The following GRAMD1B variants were observed in gnomAD, a reference collection of about 807,000 sequenced individuals.
GRAMD1B encodes protein Aster-B.
GRAMD1B carries 37 observed loss-of-function variants against 99.7 expected under a neutral mutation model. The ratio of observed to expected loss-of-function variants is 0.37; its 90% CI spans 0.29 to 0.49. The LOEUF (loss-of-function observed/expected upper bound fraction) is 0.49, where lower values mean the gene tolerates loss of function less well. Ranked by LOEUF, GRAMD1B falls within the 20% of genes least tolerant of loss-of-function variation. The pLI, the probability that GRAMD1B is intolerant of heterozygous loss-of-function variation, is 0.98. For synonymous variants in GRAMD1B, 427 were observed against 387.6 expected, an observed-to-expected ratio of 1.10 and a Z score of -1.19; for missense variants, 888 against 1,009.2, an observed-to-expected ratio of 0.88 and a Z score of 1.63.
rs1262779388 is a variant in GRAMD1B at position 123,577,541 on chromosome 11, C to T, written c.627C>T (p.Ser209=). The T allele has an allele frequency of 2.5e-6, 4 of 1,596,558 alleles. No individual in the cohort carries two copies. In the Admixed American group the frequency reaches 6.9e-5, roughly 27 times the overall value. Residue 209 remains serine, a synonymous_variant, in exon 3 of 20, where the codon TCC becomes TCT. Coordinates refer to ENST00000635736, the MANE Select transcript of GRAMD1B (RefSeq NM_001387025.1). ...TPEQGVQRSC[S]SQSGRSGGKN... The stretch of plus-strand genomic sequence containing the variant: ...AGCAGGGCGTGCAGCGCAGCTGCTC[C>T]TCCCAGTCCGGCCGGAGCGGCGGCA...
Position 123,431,002 on chromosome 11 carries a change from C to A in GRAMD1B, c.210C>A (p.Pro70=), listed in dbSNP as rs1336170337. The A allele has an allele frequency of 2.8e-6, 2 of 702,828 alleles. No individual in the cohort carries two copies. The highest frequency in any genetic ancestry group is 3.5e-5 in the African/African-American group (2 of 57,280). 43.5% of individuals were successfully genotyped at this position (702,828 alleles called of 1,614,324 possible). ...LARDLPAVLA[P]GKEFLQLPSI... ...GGGACCTGCCCGCCGTCTTGGCCCC[C>A]GGCAAGGAGTTCCTGCAGCTGCCGT... is the stretch of plus-strand genomic sequence containing the variant. The change falls in exon 1 of 20, where the codon CCC becomes CCA. Residue 70 remains proline, a synonymous_variant. Transcript: ENST00000635736.
chr11:123,491,310 G>C (rs1213449319), intron 2 of GRAMD1B, among the ~76,000 whole-genome samples: 1 of 152,122 alleles, frequency 6.6e-6, no homozygotes, highest in African/African-American at 2.4e-5. Context: ...TTCTGTTCCA[G>C]AAATATGTCC....
At chr11:123,389,511 A>G (rs888649327) in intron 1 of GRAMD1B, among the ~76,000 whole-genome samples, 35 of 152,294 alleles carry the variant, frequency 2.3e-4, no homozygotes, top group Admixed American at 1.3e-3. Flanking sequence ...GCCTAAGGAG[A>G]TAAGATGAGA....
chr11:123,422,666 T>C (rs1412918190), intron 1 of GRAMD1B, among the ~76,000 whole-genome samples: 1 of 152,224 alleles, frequency 6.6e-6, no homozygotes, highest in Admixed American at 6.5e-5. Flanking sequence ...CTTTCTACAC[T>C]TGACCTCAGC....
intron 1 of GRAMD1B, among the ~76,000 whole-genome samples, chr11:123,476,996 GC>G (rs1951310622): frequency 6.6e-6 from 1 of 152,074 alleles, no homozygotes; most frequent in Non-Finnish European, 1.5e-5. Context: ...CTGATTCTAA[GC>G]ACTTTGAGAG....
chr11:123,405,040 C>T (rs1183043450), intron 1 of GRAMD1B, among the ~76,000 whole-genome samples: 2 of 152,016 alleles, frequency 1.3e-5, no homozygotes, highest in Admixed American at 1.3e-4. Flanking sequence ...GGGAAATAGC[C>T]AAGAAACTGT....
chr11:123,371,488 T>G (rs1283598939), intron 1 of GRAMD1B, among the ~76,000 whole-genome samples: 1 of 152,212 alleles, frequency 6.6e-6, no homozygotes, highest in Non-Finnish European at 1.5e-5. Flanking sequence ...TAAATTTGTC[T>G]CTTCCAGAGG....
At chr11:123,594,710 T>G (rs1565433550) in intron 5 of GRAMD1B, 25 bp from the exon 6 acceptor site, 1 of 1,229,652 alleles carries the variant, frequency 8.1e-7, no homozygotes, top group Non-Finnish European at 1.2e-6. Flanking sequence ...GCCTCTGAGC[T>G]CCCCTACCTC....
At chr11:123,407,494 G>T (rs1947895375) in intron 1 of GRAMD1B, among the ~76,000 whole-genome samples, 1 of 152,166 alleles carries the variant, frequency 6.6e-6, no homozygotes, top group Non-Finnish European at 1.5e-5. Context: ...GGCTTCCAGG[G>T]TGCTTAAATT....
At chr11:123,547,679 A>G (rs1945153810) in intron 2 of GRAMD1B, among the ~76,000 whole-genome samples, 1 of 152,224 alleles carries the variant, frequency 6.6e-6, no homozygotes, top group African/African-American at 2.4e-5. Flanking sequence ...TAGTCTAAAC[A>G]TGCCTAGTTA....
rs1246707997 is a variant in GRAMD1B, at chr11:123,591,063, G to C, written c.685-3019G>C. 1 of 186,462 alleles carries C rather than the reference G, an allele frequency of 5.4e-6. No homozygotes were observed. The highest frequency in any genetic ancestry group is 2.3e-5 in the African/African-American group (1 of 42,962). 11.6% of individuals were successfully genotyped at this position (186,462 alleles called of 1,614,324 possible). A position where few individuals can be genotyped will look rare whatever the true frequency, so the allele number is the denominator to read the frequency against. Reference sequence around the variant, plus strand: ...TGGGGTGACTGTCTGCACTGACCAGGTGGAGGTGCGTGACCACACCACCTC... The same window carrying C: ...TGGGGTGACTGTCTGCACTGACCAGCTGGAGGTGCGTGACCACACCACCTC... On this transcript the variant is annotated intron_variant, in intron 4 of 19. Transcript: ENST00000635736. This position sits in a 1 kb window ranked among gnomAD's most constrained non-coding sequence, Gnocchi z 4.7.
intron 1 of GRAMD1B, among the ~76,000 whole-genome samples, chr11:123,462,127 T>C (rs757363422): frequency 1.1e-4 from 16 of 151,884 alleles, no homozygotes; most frequent in Non-Finnish European, 2.1e-4. Flanking sequence ...CCACCATGCC[T>C]GGCCAATTTT....
At chr11:123,609,774 A>T in intron 12 of GRAMD1B, 21 bp from the exon 13 acceptor site, 1 of 1,359,748 alleles carries the variant, frequency 7.4e-7, no homozygotes. Context: ...TCCTCATTCC[A>T]GGGCTCTCCT....
At chr11:123,442,847 G>T (rs1024232013) in intron 1 of GRAMD1B, among the ~76,000 whole-genome samples, 1 of 131,138 alleles carries the variant, frequency 7.6e-6, no homozygotes, top group Non-Finnish European at 1.7e-5. Flanking sequence ...ACAAGGGGTG[G>T]ATTATTTATG....
intron 2 of GRAMD1B, among the ~76,000 whole-genome samples, chr11:123,546,346 T>C (rs554303018): frequency 1.3e-5 from 2 of 152,232 alleles, no homozygotes; most frequent in East Asian, 1.9e-4. Context: ...TCCAAGCTTT[T>C]ATTATAACTT....
At chr11:123,578,865 G>C (rs1005558296) in intron 3 of GRAMD1B, among the ~76,000 whole-genome samples, 1 of 152,202 alleles carries the variant, frequency 6.6e-6, no homozygotes, top group South Asian at 2.1e-4. Context: ...AGGATGGCAG[G>C]AGGGCTGCGC....
In GRAMD1B at chr11:123,623,290, C is replaced by G. The variant is rs997380281; in HGVS notation, c.*695C>G. 13 of 152,242 alleles carry G rather than the reference C, an allele frequency of 8.5e-5. No individual in the cohort carries two copies. In the East Asian group the frequency reaches 1.7e-3, roughly 20 times the overall value. The allele number at this position is 152,242 out of a possible 1,614,324, so 9.4% of individuals were successfully genotyped here. A position where few individuals can be genotyped will look rare whatever the true frequency, so the allele number is the denominator to read the frequency against. On this transcript the variant is annotated 3_prime_UTR_variant, in exon 20 of 20. Coordinates refer to ENST00000635736, the MANE Select transcript of GRAMD1B (RefSeq NM_001387025.1). ...TCCTCCGACCTGTGTAGGGTGTGGA[C>G]CCAGTAAGGGCTGGGAATTTCTTAC...
chr11:123,559,089 T>C (rs1429524940), intron 2 of GRAMD1B, among the ~76,000 whole-genome samples: 1 of 152,214 alleles, frequency 6.6e-6, no homozygotes, highest in Non-Finnish European at 1.5e-5. Flanking sequence ...AAGCCAAACA[T>C]TTGCTGTTCA....
At chr11:123,560,847 T>C (rs977888002) in intron 2 of GRAMD1B, among the ~76,000 whole-genome samples, 1 of 152,052 alleles carries the variant, frequency 6.6e-6, no homozygotes, top group African/African-American at 2.4e-5. Flanking sequence ...GCTTTTCTCA[T>C]CTGACGCAGG....
Sources: gnomAD v4.1 joint callset for allele counts (sites outside exome capture counted in the v4.1 genomes callset) on GRCh38, gnomAD v4.1.1 for gene constraint, Gnocchi (gnomAD v3.1) non-coding constraint, MANE v1.5 for transcripts, NCBI Gene and HGNC (gene_info 2026-07-23, HGNC 2026-07-21) for gene names.